Variants in SLC16A5 observed in about 807,000 individuals in gnomAD.
The protein encoded by SLC16A5 is solute carrier family 16 member 5.
In SLC16A5, 29 loss-of-function variants were observed where a neutral mutation model predicts 33.2. The observed-to-expected ratio is 0.87, with a 90% CI of 0.65 to 1.19. The LOEUF is 1.19. Ranked by LOEUF, SLC16A5 falls within the 50% of genes most tolerant of loss-of-function variation. The pLI is 0.00. For synonymous variants in SLC16A5, 248 were observed against 284.1 expected (o/e 0.87, Z 1.28); for missense variants, 606 against 678.2 (o/e 0.89, Z 1.18).
intron 2 of SLC16A5, among the ~76,000 whole-genome samples, chr17:75,089,507 C>G (rs1245236900): frequency 1.3e-5 from 2 of 152,022 alleles, no homozygotes; most frequent in African/African-American, 4.8e-5. Context: ...GTAATCCCAG[C>G]ACTTTGGGAG....
chr17:75,100,393 G>T lies in SLC16A5; in HGVS notation c.730G>T (p.Gly244Cys). Residue 244 changes from glycine (G) to cysteine (C), a missense_variant, in exon 5 of 7, where the codon GGT (glycine) becomes TGT (cysteine). Gly to Cys is a radical substitution (Grantham distance 159). Coordinates refer to ENST00000329783, the MANE Select transcript of SLC16A5 (RefSeq NM_004695.4). ...HNTGYCVYIL[G>C]VMWSVLGFPL... ...CACAGGCTACTGCGTGTACATACTG[G>T]GTGTGATGTGGTCCGTCCTGGGCTT... is the stretch of plus-strand genomic sequence containing the variant. The T allele has an allele frequency of 6.2e-7, 1 of 1,614,216 alleles. No individual in the cohort carries two copies. The highest frequency in any genetic ancestry group is 8.5e-7 in the Non-Finnish European group (1 of 1,180,034).
intron 3 of SLC16A5, among the ~76,000 whole-genome samples, chr17:75,096,581 A>AGT (rs1298385263): frequency 2.1e-5 from 3 of 145,860 alleles, no homozygotes; most frequent in Non-Finnish European, 4.5e-5. Context: ...CCCAGGCTGG[A>AGT]GTGTAGTGGC....
rs1467187521 is a variant in SLC16A5 at position 75,104,087 on chromosome 17, A to G, written c.1271A>G (p.Gln424Arg). The G allele has an allele frequency of 1.4e-5, 23 of 1,614,122 alleles. No homozygotes were observed. Among genetic ancestry groups the G allele is most frequent in the Non-Finnish European group, 1.9e-5 (22 of 1,180,052 alleles). ...GSFYALQKKE[Q>R]GKQAVAADAL... ...TTCTACGCCCTGCAGAAGAAGGAGC[A>G]AGGCAAGCAGGCTGTCGCGGCGGAT... The change falls in exon 6 of 7, where the codon CAA (glutamine) becomes CGA (arginine). Residue 424 changes from glutamine (Q) to arginine (R), a missense_variant. By Grantham distance (43) the Gln-to-Arg change is conservative (BLOSUM62 1). Coordinates refer to ENST00000329783, the MANE Select transcript of SLC16A5 (RefSeq NM_004695.4).
Position 75,098,029 on chromosome 17 carries a change from C to T in SLC16A5, c.200-9C>T, listed in dbSNP as rs777908914. 3.8e-6 allele frequency: 6 copies of T among 1,573,016 alleles called. No homozygotes were observed. The highest frequency in any genetic ancestry group is 4.3e-6 in the Non-Finnish European group (5 of 1,164,534). ...TCAGCTGCTACCTGCTGGCTGTCTT[C>T]TCCCACAGGGCCCCTGTGCAGCATC... is the stretch of plus-strand genomic sequence containing the variant. On this transcript the variant is annotated splice_polypyrimidine_tract_variant and intron_variant, in intron 3 of 6. Transcript: ENST00000329783.
At chr17:75,108,409 A>C (rs2073879004), downstream of SLC16A5, among the ~76,000 whole-genome samples, 1 of 152,186 alleles carries the variant, frequency 6.6e-6, no homozygotes, top group South Asian at 2.1e-4. Flanking sequence ...ACTAAGTTAG[A>C]AACTCCTGCC....
intron 4 of SLC16A5, among the ~76,000 whole-genome samples, chr17:75,098,502 G>A (rs1307419950): frequency 6.6e-6 from 1 of 152,118 alleles, no homozygotes; most frequent in African/African-American, 2.4e-5. Context: ...AGGTTGCAGT[G>A]AGCCAAGATC....
chr17:75,104,097 GGCTGTC>G lies in SLC16A5; in HGVS notation c.1284_1289del (p.Val429_Ala430del). ...TGCAGAAGAAGGAGCAAGGCAAGCA[GGCTGTC>G]GCGGCGGATGCCCTGGAGCGGGATC... is the stretch of plus-strand genomic sequence containing the variant. On this transcript the variant is annotated inframe_deletion, in exon 6 of 7. Coordinates refer to ENST00000329783, the MANE Select transcript of SLC16A5 (RefSeq NM_004695.4). The G allele has an allele frequency of 6.2e-7, 1 of 1,614,228 alleles. No individual in the cohort carries two copies. Among genetic ancestry groups the G allele is most frequent in the South Asian group, 1.1e-5 (1 of 91,084 alleles).
At chr17:75,097,168 C>G (rs1374531935) in intron 3 of SLC16A5, among the ~76,000 whole-genome samples, 2 of 152,064 alleles carry the variant, frequency 1.3e-5, no homozygotes, top group Non-Finnish European at 2.9e-5. Context: ...CACCACACAT[C>G]CCCCCTCCAC....
intron 6 of SLC16A5, chr17:75,104,844 G>A (rs1051846350): frequency 1.0e-6 from 1 of 985,290 alleles, no homozygotes; most frequent in African/African-American, 1.7e-5. Flanking sequence ...CAGGAACCTG[G>A]GTCTGAGCCC....
At chr17:75,109,095 T>C (rs112700050), downstream of SLC16A5, among the ~76,000 whole-genome samples, 674 of 152,262 alleles carry the variant, frequency 4.4e-3, 3 homozygotes, top group African/African-American at 0.016. The surrounding 1 kb of genome is among the most constrained non-coding windows in gnomAD (Gnocchi z 5.0). Flanking sequence ...CCTTCCCTGG[T>C]GCTTTGTTTC....
In SLC16A5 at chr17:75,100,503, C is replaced by T. The variant is rs748130572; in HGVS notation, c.840C>T (p.Ile280=). Residue 280 remains isoleucine, a synonymous_variant, in exon 5 of 7, where the codon ATC becomes ATT. Transcript: ENST00000329783. Reference sequence around the variant, plus strand: ...AGGCAGCCCTCCTCATCTCCATCATCGGCTTCAGCAACATCTTCCTGAGGC... The same window carrying T: ...AGGCAGCCCTCCTCATCTCCATCATTGGCTTCAGCAACATCTTCCTGAGGC... ...EQQAALLISI[I]GFSNIFLRPL... 12 of 1,614,236 alleles carry T rather than the reference C, an allele frequency of 7.4e-6. No homozygotes were observed. Among genetic ancestry groups the T allele is most frequent in the South Asian group, 3.3e-5 (3 of 91,084 alleles).
chr17:75,102,898 AT>A (rs71159433), intron 5 of SLC16A5, among the ~76,000 whole-genome samples: 47,333 of 146,014 alleles, frequency 0.32, 7,909 homozygotes, highest in Middle Eastern at 0.44. Flanking sequence ...CGCCCGGCTA[AT>A]TTTTTTTTTT....
At position 75,100,376 on chromosome 17, in the gene SLC16A5, AC is replaced by A; in HGVS notation, c.714del (p.Cys239AlafsTer7). The A allele has an allele frequency of 6.2e-7, 1 of 1,614,186 alleles. No individual in the cohort carries two copies. The highest frequency in any genetic ancestry group is 8.5e-7 in the Non-Finnish European group (1 of 1,180,032). ...AFDILRHNTG[Y>X]CVYILGVMWS... Reference sequence around the variant, plus strand: ...GACATCCTGCGGCACAACACAGGCTACTGCGTGTACATACTGGGTGTGATGT... The same window carrying A: ...GACATCCTGCGGCACAACACAGGCTATGCGTGTACATACTGGGTGTGATGT... On this transcript the variant is annotated frameshift_variant, in exon 5 of 7. Transcript: ENST00000329783. LOFTEE classifies it high-confidence loss of function.
intron 6 of SLC16A5, chr17:75,105,231 C>G (rs564115868): frequency 8.3e-5 from 82 of 985,410 alleles, no homozygotes; most frequent in Non-Finnish European, 9.4e-5. Flanking sequence ...AGTCTGAGGG[C>G]CCCCCTGCAG....
At chr17:75,095,321 G>A (rs746636775) in intron 3 of SLC16A5, among the ~76,000 whole-genome samples, 5 of 152,116 alleles carry the variant, frequency 3.3e-5, no homozygotes, top group Non-Finnish European at 5.9e-5. Flanking sequence ...GCTAGGAACC[G>A]GGCACCCGGC....
chr17:75,093,715 AC>A lies in SLC16A5; in HGVS notation c.82del (p.Leu28TrpfsTer54), dbSNP rs772587311. On this transcript the variant is annotated frameshift_variant, in exon 3 of 7. Coordinates refer to ENST00000329783, the MANE Select transcript of SLC16A5 (RefSeq NM_004695.4). LOFTEE classifies it high-confidence loss of function. Reference protein sequence around the residue: ...LLATMVTQGLTLGFPTCIGIF... With the variant: ...LLATMVTQGLXLGFPTCIGIF... Reference sequence around the variant, plus strand: ...GGCCACCATGGTGACCCAGGGCCTCACCCTGGGCTTCCCCACGTGTATCGGC... The same window carrying A: ...GGCCACCATGGTGACCCAGGGCCTCACCTGGGCTTCCCCACGTGTATCGGC... 1 of 1,613,914 alleles carries A rather than the reference AC, an allele frequency of 6.2e-7. No individual in the cohort carries two copies. The highest frequency in any genetic ancestry group is 8.5e-7 in the Non-Finnish European group (1 of 1,179,928).
rs59339356 is a variant in SLC16A5 at position 75,093,584 on chromosome 17, C to T, written c.-48-5C>T. On this transcript the variant is annotated splice_region_variant and splice_polypyrimidine_tract_variant and intron_variant, in intron 2 of 6. Coordinates refer to ENST00000329783, the MANE Select transcript of SLC16A5 (RefSeq NM_004695.4). ...CCACCAGGCTCCATTCTGTCCCCTC[C>T]CCAGGCAGCAGCCACATTGGCAGTG... 2.1e-5 allele frequency: 33 copies of T among 1,572,826 alleles called. No homozygotes were observed. Among genetic ancestry groups the T allele is most frequent in the Non-Finnish European group, 2.8e-5 (33 of 1,164,666 alleles).
At chr17:75,093,451 C>T (rs2145003580) in intron 2 of SLC16A5, 138 bp from the exon 3 acceptor site, 1 of 1,536,018 alleles carries the variant, frequency 6.5e-7, no homozygotes, top group Non-Finnish European at 8.7e-7. Flanking sequence ...GGCCACCTCC[C>T]AGGGGTGGTG....
At chr17:75,092,380 CAG>C (rs902151275) in intron 2 of SLC16A5, among the ~76,000 whole-genome samples, 3 of 145,944 alleles carry the variant, frequency 2.1e-5, no homozygotes, top group African/African-American at 5.1e-5. Flanking sequence ...TTTTTTGAGA[CAG>C]AGTCTTGCTA....
Sources: gnomAD v4.1 joint callset for allele counts (sites outside exome capture counted in the v4.1 genomes callset) on GRCh38, gnomAD v4.1.1 for gene constraint, Gnocchi (gnomAD v3.1) non-coding constraint, MANE v1.5 for transcripts, NCBI Gene and HGNC (gene_info 2026-07-23, HGNC 2026-07-21) for gene names.